Variants in OSTN observed in about 807,000 individuals in gnomAD.
OSTN encodes osteocrin.
A neutral mutation model predicts 12.0 loss-of-function variants in OSTN; 9 were observed. The ratio of observed to expected loss-of-function variants is 0.75; its 90% CI spans 0.45 to 1.30. The LOEUF is 1.30. Among genes scored for constraint, OSTN ranks in the 50% most tolerant of loss-of-function variants. The pLI, the probability that OSTN is intolerant of heterozygous loss-of-function variation, is 0.00. For missense variants in OSTN, 148 were observed against 152.3 expected (o/e 0.97, Z 0.15); for synonymous variants, 59 against 56.9 (o/e 1.04, Z -0.16).
chr3:191,256,406 GA>G, intron 4 of OSTN, among the ~76,000 whole-genome samples: 1 of 152,198 alleles, frequency 6.6e-6, no homozygotes, highest in Non-Finnish European at 1.5e-5. Context: ...TTTAGCATTT[GA>G]ATTTTGATTT....
chr3:191,219,204 A>G (rs1714701092), intron 3 of OSTN, among the ~76,000 whole-genome samples: 1 of 152,216 alleles, frequency 6.6e-6, no homozygotes, highest in Non-Finnish European at 1.5e-5. Context: ...ATTCTGTCTT[A>G]TGCAGATATA....
At chr3:191,223,760 C>T (rs16866340) in intron 3 of OSTN, among the ~76,000 whole-genome samples, 15,262 of 151,558 alleles carry the variant, frequency 0.1, 2,540 homozygotes, top group African/African-American at 0.35. Flanking sequence ...AAAAAAAGCA[C>T]GATAAAATAG....
chr3:191,237,054 G>T (rs1412256251), intron 3 of OSTN, among the ~76,000 whole-genome samples: 1 of 152,136 alleles, frequency 6.6e-6, no homozygotes, highest in Non-Finnish European at 1.5e-5. Flanking sequence ...AAAGCTGCTA[G>T]AGCAAGCAGG....
intron 3 of OSTN, among the ~76,000 whole-genome samples, chr3:191,238,078 A>G (rs1400411013): frequency 6.6e-6 from 1 of 152,190 alleles, no homozygotes; most frequent in African/African-American, 2.4e-5. Flanking sequence ...CGGCATCTCA[A>G]GGTTTATGCT....
chr3:191,247,111 C>G (rs2108550431), intron 3 of OSTN, among the ~76,000 whole-genome samples: 1 of 152,242 alleles, frequency 6.6e-6, no homozygotes, highest in South Asian at 2.1e-4. Flanking sequence ...AATTAAGAAT[C>G]TATATATTTA....
intron 4 of OSTN, among the ~76,000 whole-genome samples, chr3:191,255,504 T>C (rs1361355472): frequency 6.6e-6 from 1 of 152,214 alleles, no homozygotes; most frequent in Non-Finnish European, 1.5e-5. Context: ...AAATCCTTGA[T>C]GAAATAACCA....
At chr3:191,256,620 TCTC>T (rs1011702525) in intron 4 of OSTN, among the ~76,000 whole-genome samples, 5 of 144,486 alleles carry the variant, frequency 3.5e-5, no homozygotes, top group South Asian at 2.1e-4. Flanking sequence ...TCTCCCCCTC[TCTC>T]CTCCTTTTTT....
chr3:191,213,854 A>T (rs1714530310), intron 2 of OSTN, among the ~76,000 whole-genome samples: 1 of 151,874 alleles, frequency 6.6e-6, no homozygotes, highest in Non-Finnish European at 1.5e-5. Flanking sequence ...TTTTTGGAGG[A>T]TGCTTGGAAA....
Position 191,212,601 on chromosome 3 carries a change from A to C in OSTN, c.69A>C (p.Gly23=). 1 of 1,587,422 alleles carries C rather than the reference A, an allele frequency of 6.3e-7. No individual in the cohort carries two copies. The part of the protein sequence containing the change: ...LAVTLTLWSS[G]KVLSVDVTTT... ...TGACACTGACACTGTGGAGCTCAGG[A>C]AAAGTCCTCTCAGTAGATGTAACAA... Residue 23 remains glycine, a synonymous_variant, in exon 2 of 5, where the codon GGA becomes GGC. Transcript: ENST00000682035.
intron 3 of OSTN, 91 bp downstream of exon 3, chr3:191,219,052 GA>G: frequency 8.7e-7 from 1 of 1,150,006 alleles, no homozygotes. Context: ...AAAATACAGT[GA>G]AAACCTTGTA....
At chr3:191,249,898 G>A (rs1405103468) in intron 3 of OSTN, 139 bp from the exon 4 acceptor site, 9 of 623,990 alleles carry the variant, frequency 1.4e-5, no homozygotes, top group Admixed American at 1.4e-4. Context: ...CTGGCACATA[G>A]TGAGTACTGG....
intron 4 of OSTN, among the ~76,000 whole-genome samples, chr3:191,252,324 C>G (rs1715578469): frequency 6.6e-6 from 1 of 152,178 alleles, no homozygotes; most frequent in African/African-American, 2.4e-5. Context: ...CTCGGCCTCC[C>G]AAAGTGCTGG....
chr3:191,241,074 T>C (rs1715305802), intron 3 of OSTN, among the ~76,000 whole-genome samples: 1 of 152,042 alleles, frequency 6.6e-6, no homozygotes, highest in Non-Finnish European at 1.5e-5. Flanking sequence ...TAATCTAAAT[T>C]ACTGAACTAT....
intron 4 of OSTN, 96 bp from the exon 5 acceptor site, chr3:191,262,770 T>A: frequency 3.0e-6 from 2 of 666,126 alleles, no homozygotes; most frequent in Non-Finnish European, 5.5e-6. Flanking sequence ...CAGCATGTAA[T>A]TAAAGACTTA....
intron 4 of OSTN, among the ~76,000 whole-genome samples, chr3:191,256,278 T>TG (rs1715668816): frequency 6.6e-6 from 1 of 152,138 alleles, no homozygotes; most frequent in African/African-American, 2.4e-5. Flanking sequence ...TAAAACACAT[T>TG]TCAGACTTGA....
chr3:191,208,995 C>T (rs965971873), intron 1 of OSTN, among the ~76,000 whole-genome samples: 5 of 151,854 alleles, frequency 3.3e-5, no homozygotes, highest in African/African-American at 1.2e-4. Flanking sequence ...CTGTCTCTAC[C>T]AAAAATACAA....
intron 3 of OSTN, among the ~76,000 whole-genome samples, chr3:191,237,223 A>AC (rs1016533243): frequency 1.3e-5 from 2 of 152,222 alleles, no homozygotes; most frequent in African/African-American, 4.8e-5. Flanking sequence ...CAAAGAAATT[A>AC]AAGTTCTGTG....
chr3:191,232,506 C>CTATATA (rs150235705), intron 3 of OSTN, among the ~76,000 whole-genome samples: 3 of 146,320 alleles, frequency 2.1e-5, no homozygotes, highest in Non-Finnish European at 4.5e-5. Context: ...AAAGTAAATG[C>CTATATA]TATATATATA....
At chr3:191,200,181 T>C (rs928725660) in intron 1 of OSTN, among the ~76,000 whole-genome samples, 4 of 152,150 alleles carry the variant, frequency 2.6e-5, no homozygotes, top group African/African-American at 9.7e-5. Context: ...ACATTCTGTG[T>C]TTTCTCTTAC....
Sources: gnomAD v4.1 joint callset for allele counts (sites outside exome capture counted in the v4.1 genomes callset) on GRCh38, gnomAD v4.1.1 for gene constraint, MANE v1.5 for transcripts, NCBI Gene and HGNC (gene_info 2026-07-23, HGNC 2026-07-21) for gene names.